The following PXDNL variants were observed in gnomAD, a reference collection of about 807,000 sequenced individuals.
PXDNL encodes probable oxidoreductase PXDNL.
Under a neutral mutation model 150.8 loss-of-function variants are expected in PXDNL, and 145 were observed. The ratio of observed to expected loss-of-function variants is 0.96; its 90% CI spans 0.84 to 1.10. PXDNL has a LOEUF of 1.10. Ranked by LOEUF, PXDNL falls within the 50% of genes least tolerant of loss-of-function variation. The probability of loss-of-function intolerance (pLI) is 0.00; values close to 1 mark genes in which losing one functional copy is unlikely to be tolerated. For synonymous variants in PXDNL, 757 were observed against 725.7 expected, an observed-to-expected ratio of 1.04 and a Z score of -0.69; for missense variants, 2,087 against 1,873.9, an observed-to-expected ratio of 1.11 and a Z score of -2.10.
rs139893394 is a variant in PXDNL at position 51,335,174 on chromosome 8, G to A, written c.4146+4450C>T. On this transcript the variant is annotated intron_variant, in intron 21 of 22. Coordinates refer to ENST00000356297, the MANE Select transcript of PXDNL (RefSeq NM_144651.5). ...AACAAATTATAGTGGCCGACATAGTGATCTCCATATCTCTGTTTATATCAG... is the reference window on the plus strand; with the variant it reads ...AACAAATTATAGTGGCCGACATAGTAATCTCCATATCTCTGTTTATATCAG... Among the ~76,000 whole-genome samples, 776 of 152,244 alleles carry A rather than the reference G, an allele frequency of 5.1e-3. 9 individuals carry two copies. Among genetic ancestry groups the A allele is most frequent in the African/African-American group, 0.018 (753 of 41,538 alleles).
chr8:51,370,543 G>A (rs1480538908), intron 19 of PXDNL, among the ~76,000 whole-genome samples: 4 of 152,170 alleles, frequency 2.6e-5, no homozygotes, highest in African/African-American at 7.2e-5. Context: ...CACCCTCCCC[G>A]GGGTACCACA....
chr8:51,387,322 T>C (rs1586060017), intron 17 of PXDNL, among the ~76,000 whole-genome samples: 1 of 152,350 alleles, frequency 6.6e-6, no homozygotes, highest in Middle Eastern at 3.4e-3. Context: ...ACTATGGTAA[T>C]AGAGCCATGT....
intron 9 of PXDNL, among the ~76,000 whole-genome samples, chr8:51,455,227 C>CCTT (rs1809913605): frequency 6.6e-6 from 1 of 151,292 alleles, no homozygotes; most frequent in African/African-American, 2.4e-5. Flanking sequence ...AGGAGATAAT[C>CCTT]TGATGCATGC....
chr8:51,405,889 C>T (rs560721885), intron 17 of PXDNL, among the ~76,000 whole-genome samples: 8 of 152,330 alleles, frequency 5.3e-5, no homozygotes, highest in African/African-American at 1.9e-4. Flanking sequence ...CAAACATTCT[C>T]CCAGGCAAGG....
At chr8:51,578,548 C>A (rs937073271) in intron 3 of PXDNL, among the ~76,000 whole-genome samples, 1 of 151,324 alleles carries the variant, frequency 6.6e-6, no homozygotes, top group African/African-American at 2.4e-5. Context: ...GTCATTTAGC[C>A]CCAAACTGCC....
intron 1 of PXDNL, among the ~76,000 whole-genome samples, chr8:51,763,723 A>G (rs938479097): frequency 6.6e-6 from 1 of 152,056 alleles, no homozygotes; most frequent in African/African-American, 2.4e-5. Flanking sequence ...TATGAATGAA[A>G]TTTTCTAATT....
intron 1 of PXDNL, among the ~76,000 whole-genome samples, chr8:51,799,434 T>C (rs777752620): frequency 1.3e-5 from 2 of 152,170 alleles, no homozygotes; most frequent in Non-Finnish European, 2.9e-5. Context: ...TGAGAAAATG[T>C]GAGGTACAAG....
chr8:51,631,253 G>A (rs750890593), intron 2 of PXDNL, among the ~76,000 whole-genome samples: 16 of 152,014 alleles, frequency 1.1e-4, no homozygotes, highest in Non-Finnish European at 1.5e-4. Context: ...ACACAAAGAA[G>A]AGAACAACAG....
chr8:51,329,489 T>C (rs1007487200), intron 21 of PXDNL, among the ~76,000 whole-genome samples: 1 of 152,046 alleles, frequency 6.6e-6, no homozygotes, highest in Non-Finnish European at 1.5e-5. Flanking sequence ...AAACAAAATT[T>C]ACAAGGCGTG....
rs191786019 is a variant in PXDNL at position 51,368,798 on chromosome 8, C to T, written c.3901+3075G>A. On this transcript the variant is annotated intron_variant, in intron 19 of 22. Coordinates refer to ENST00000356297, the MANE Select transcript of PXDNL (RefSeq NM_144651.5). Reference sequence around the variant, plus strand: ...ATCACTTGAGATCAGGAGTTCAAGACCAGCCTGGCCAACATGGTGAAACCC... The same window carrying T: ...ATCACTTGAGATCAGGAGTTCAAGATCAGCCTGGCCAACATGGTGAAACCC... 1.3e-4 allele frequency among the ~76,000 whole-genome samples: 20 copies of T among 151,640 alleles called. No individual in the cohort carries two copies. The East Asian group carries it at 3.9e-3, about 29-fold the overall frequency.
chr8:51,398,099 G>C (rs1219731249), intron 17 of PXDNL, among the ~76,000 whole-genome samples: 1 of 152,212 alleles, frequency 6.6e-6, no homozygotes, highest in African/African-American at 2.4e-5. Flanking sequence ...TCACAAAAGA[G>C]GACAACATGT....
chr8:51,438,014 C>A (rs922049627), intron 12 of PXDNL, among the ~76,000 whole-genome samples: 3 of 152,104 alleles, frequency 2.0e-5, no homozygotes, highest in Non-Finnish European at 1.5e-5. Flanking sequence ...TATACAGGAG[C>A]AACCAAATTG....
chr8:51,456,859 C>G (rs1236585667), intron 9 of PXDNL, among the ~76,000 whole-genome samples: 1 of 152,164 alleles, frequency 6.6e-6, no homozygotes, highest in Non-Finnish European at 1.5e-5. Context: ...AAACATTTAC[C>G]AGCACACAAC....
chr8:51,801,937 C>CTTA (rs1458347563), intron 1 of PXDNL, among the ~76,000 whole-genome samples: 1 of 152,158 alleles, frequency 6.6e-6, no homozygotes, highest in African/African-American at 2.4e-5. Context: ...GCCTCTTTTA[C>CTTA]TTATTCCTGG....
intron 4 of PXDNL, among the ~76,000 whole-genome samples, chr8:51,550,856 C>A (rs1205916675): frequency 6.6e-6 from 1 of 152,134 alleles, no homozygotes; most frequent in Non-Finnish European, 1.5e-5. Context: ...GCATCCTAAT[C>A]AGTAAAGAGG....
chr8:51,714,851 G>A (rs1816581631), intron 1 of PXDNL, among the ~76,000 whole-genome samples: 1 of 152,052 alleles, frequency 6.6e-6, no homozygotes, highest in Non-Finnish European at 1.5e-5. Flanking sequence ...AGCTGCAATT[G>A]TCTTTTTTCA....
intron 4 of PXDNL, among the ~76,000 whole-genome samples, chr8:51,522,556 A>T (rs979737555): frequency 2.6e-5 from 4 of 152,166 alleles, no homozygotes; most frequent in Non-Finnish European, 5.9e-5. Context: ...CTTATAAGAG[A>T]ATGTAAGGCC....
At chr8:51,384,533 A>T (rs879335310) in intron 17 of PXDNL, among the ~76,000 whole-genome samples, 2 of 141,188 alleles carry the variant, frequency 1.4e-5, no homozygotes, top group Non-Finnish European at 3.1e-5. Flanking sequence ...AGGACATCAC[A>T]TTTTTGTAAA....
At chr8:51,669,055 A>G (rs1463963626) in intron 1 of PXDNL, among the ~76,000 whole-genome samples, 1 of 152,332 alleles carries the variant, frequency 6.6e-6, no homozygotes, top group South Asian at 2.1e-4. Flanking sequence ...ATATTCTATG[A>G]TAAATAAATC....
Sources: allele counts gnomAD v4.1 joint callset (sites outside exome capture counted in the v4.1 genomes callset), GRCh38; gene constraint gnomAD v4.1.1; transcripts MANE v1.5; gene names NCBI Gene and HGNC (gene_info 2026-07-23, HGNC 2026-07-21).